Variants in BBS2 observed in about 807,000 individuals in gnomAD.
The protein encoded by BBS2 is BBSome complex member BBS2.
BBS2 carries 62 observed loss-of-function variants against 83.0 expected under a neutral mutation model. That is an observed-to-expected ratio of 0.75 (90% confidence interval 0.61 to 0.92). BBS2 has a LOEUF of 0.92. Ranked by LOEUF, BBS2 falls within the 40% of genes least tolerant of loss-of-function variation. The probability of loss-of-function intolerance (pLI) is 0.00; values close to 1 mark genes in which losing one functional copy is unlikely to be tolerated. For missense variants in BBS2, 784 were observed against 901.0 expected (o/e 0.87, Z 1.66); for synonymous variants, 303 against 326.1 (o/e 0.93, Z 0.76).
chr16:56,510,339 T>G (rs1964541928), intron 4 of BBS2, among the ~76,000 whole-genome samples: 1 of 152,164 alleles, frequency 6.6e-6, no homozygotes, highest in Admixed American at 6.5e-5. Context: ...TGCCTACAGA[T>G]GGAAGCCCTG....
chr16:56,495,274 TAATG>T (rs1370295082), intron 15 of BBS2, among the ~76,000 whole-genome samples: 13 of 152,096 alleles, frequency 8.5e-5, no homozygotes, highest in Admixed American at 7.9e-4. Context: ...CCAAAAGAAA[TAATG>T]AATCTAGGCA....
At chr16:56,479,398 C>G (rs1963602784), downstream of BBS2, among the ~76,000 whole-genome samples, 1 of 152,134 alleles carries the variant, frequency 6.6e-6, no homozygotes, top group South Asian at 2.1e-4. Context: ...CGCTTGAACC[C>G]AGGAGGGAGG....
chr16:56,506,268 TCA>T, intron 5 of BBS2, 44 bp from the exon 6 acceptor site: 1 of 1,446,600 alleles, frequency 6.9e-7, no homozygotes, highest in Non-Finnish European at 9.7e-7. Flanking sequence ...TCATTAAGAC[TCA>T]GTTTACTGTC....
intron 14 of BBS2, 26 bp from the exon 15 acceptor site, chr16:56,497,105 GA>G (rs1567572065): frequency 3.4e-6 from 5 of 1,455,006 alleles, no homozygotes; most frequent in African/African-American, 1.4e-5. Context: ...ACTCAGGAAT[GA>G]AAAAGGCCTC....
At chr16:56,507,466 C>A (rs749712721) in intron 5 of BBS2, among the ~76,000 whole-genome samples, 1 of 152,152 alleles carries the variant, frequency 6.6e-6, no homozygotes, top group East Asian at 1.9e-4. Context: ...AAAAATCCAA[C>A]AAAATCTGAA....
intron 16 of BBS2, among the ~76,000 whole-genome samples, 157 bp from the exon 17 acceptor site, chr16:56,485,024 G>C (rs565503337): frequency 6.6e-6 from 1 of 152,096 alleles, no homozygotes; most frequent in Non-Finnish European, 1.5e-5. Flanking sequence ...CTTGGTGAGG[G>C]AATTATTGAA....
At position 56,512,516 on chromosome 16, in the gene BBS2, TA is replaced by T. The variant is rs545488630; in HGVS notation, c.346-1233del. ...ACCATAGTATATTCACACAATGGAA[TA>T]TACTATTTTTGTTGCTTAGCAACAA... On this transcript the variant is annotated intron_variant, in intron 2 of 16. Coordinates refer to ENST00000245157, the MANE Select transcript of BBS2 (RefSeq NM_031885.5). Among the ~76,000 whole-genome samples, 656 of 152,340 alleles carry T rather than the reference TA, an allele frequency of 4.3e-3. 4 individuals are homozygous for T. Among genetic ancestry groups the T allele is most frequent in the African/African-American group, 0.015 (612 of 41,570 alleles).
rs376483931 is a variant in BBS2, at chr16:56,511,160, G to A, written c.470C>T (p.Thr157Met). The change falls in exon 3 of 17, where the codon ACG becomes ATG. Residue 157 changes from threonine to methionine, a missense_variant and splice_region_variant. Thr to Met is a moderately conservative substitution (Grantham distance 81, BLOSUM62 -1). Transcript: ENST00000245157. ...FNHEGSDLFWTVTGDNVNSLA... is the reference protein window; with the variant it reads ...FNHEGSDLFWMVTGDNVNSLA... ...AAAAGAATGTTTTCTTCTTCATACC[G>A]TCCAAAAGAGATCACTTCCTTCATG... 96 of 1,613,908 alleles carry A rather than the reference G, an allele frequency of 5.9e-5. No homozygotes were observed. Among genetic ancestry groups the A allele is most frequent in the South Asian group, 5.9e-4 (54 of 91,074 alleles).
chr16:56,470,433 G>A (rs1293978830), exon 18 of BBS2: 2 of 1,475,168 alleles, frequency 1.4e-6, no homozygotes, highest in East Asian at 2.3e-5. Flanking sequence ...TTTATTCTGT[G>A]AGTCATTTTA....
intron 1 of BBS2, 125 bp downstream of exon 1, chr16:56,519,621 C>T: frequency 1.3e-6 from 1 of 745,230 alleles, no homozygotes; most frequent in Non-Finnish European, 2.3e-6. Flanking sequence ...AGGTGCTCGC[C>T]GACCGGTTGC....
At chr16:56,473,311 G>A (rs1252535458) in intron 17 of BBS2, among the ~76,000 whole-genome samples, 2 of 152,170 alleles carry the variant, frequency 1.3e-5, no homozygotes, top group African/African-American at 4.8e-5. Context: ...CCACAATTAA[G>A]TTTTGAAAAA....
chr16:56,511,700 T>C (rs1275128193), intron 2 of BBS2, among the ~76,000 whole-genome samples: 1 of 152,132 alleles, frequency 6.6e-6, no homozygotes, highest in Non-Finnish European at 1.5e-5. Context: ...TATTTCCCCC[T>C]CTAATATGTA....
intron 17 of BBS2, chr16:56,477,227 T>C (rs1173109590): frequency 6.6e-6 from 1 of 152,244 alleles, no homozygotes; most frequent in Non-Finnish European, 1.5e-5. Flanking sequence ...ATCCTGATCA[T>C]GCTGGGCCTT....
chr16:56,484,498 G>A lies in BBS2; in HGVS notation c.*263C>T. On this transcript the variant is annotated 3_prime_UTR_variant, in exon 17 of 17. Transcript: ENST00000245157. ...TATATACCATAAATAAGCAAAATTG[G>A]ACTCTGAAGCCCTAATACTTCAAAA... 3.0e-6 allele frequency: 1 copy of A among 330,520 alleles called. No individual in the cohort carries two copies. Among genetic ancestry groups the A allele is most frequent in the Non-Finnish European group, 5.6e-6 (1 of 177,062 alleles). The allele number at this position is 330,520 out of a possible 1,614,324, so 20.5% of individuals were successfully genotyped here. A position where few individuals can be genotyped will look rare whatever the true frequency, so the allele number is the denominator to read the frequency against.
chr16:56,506,293 A>G (rs1016730459), intron 5 of BBS2, 69 bp from the exon 6 acceptor site: 3 of 1,172,486 alleles, frequency 2.6e-6, no homozygotes, highest in African/African-American at 1.5e-5. Flanking sequence ...GTACGGCTTT[A>G]TAAGACTTCA....
chr16:56,513,851 T>C (rs1964649510), intron 2 of BBS2, among the ~76,000 whole-genome samples: 1 of 152,196 alleles, frequency 6.6e-6, no homozygotes, highest in Non-Finnish European at 1.5e-5. Context: ...GTGAATCATA[T>C]CTTAATAAAG....
intron 15 of BBS2, among the ~76,000 whole-genome samples, chr16:56,490,982 C>T (rs1326487019): frequency 6.6e-6 from 1 of 151,940 alleles, no homozygotes; most frequent in East Asian, 1.9e-4. Flanking sequence ...AGGACGGTCT[C>T]GATCTCCTGG....
intron 16 of BBS2, 56 bp downstream of exon 16, chr16:56,485,534 T>C: frequency 1.2e-6 from 2 of 1,600,820 alleles, no homozygotes; most frequent in Admixed American, 3.3e-5. Context: ...CCATCTTCAA[T>C]GAGTTCCACC....
chr16:56,513,105 T>C (rs762652896), intron 2 of BBS2, among the ~76,000 whole-genome samples: 6 of 152,174 alleles, frequency 3.9e-5, no homozygotes, highest in Non-Finnish European at 8.8e-5. Flanking sequence ...TAAGCCATGA[T>C]CATGCCACTG....
Sources: gnomAD v4.1 joint callset for allele counts (sites outside exome capture counted in the v4.1 genomes callset) on GRCh38, gnomAD v4.1.1 for gene constraint, MANE v1.5 for transcripts, NCBI Gene and HGNC (gene_info 2026-07-23, HGNC 2026-07-21) for gene names.